Variants in ADGRB3 observed in about 807,000 individuals in gnomAD.
ADGRB3 encodes the protein adhesion G protein-coupled receptor B3, also known as brain-specific angiogenesis inhibitor 3.
A neutral mutation model predicts 193.4 loss-of-function variants in ADGRB3; 37 were observed. That is an observed-to-expected ratio of 0.19 (90% CI 0.15 to 0.25). ADGRB3 has a LOEUF of 0.25. Among genes scored for constraint, ADGRB3 ranks in the 10% least tolerant of loss-of-function variants. The pLI is 1.00. For missense variants in ADGRB3, 1,637 were observed against 1,852.9 expected, an observed-to-expected ratio of 0.88 and a Z score of 2.14; for synonymous variants, 690 against 644.2, an observed-to-expected ratio of 1.07 and a Z score of -1.08.
chr6:69,077,716 G>T (rs897906655), intron 17 of ADGRB3, among the ~76,000 whole-genome samples: 2 of 151,946 alleles, frequency 1.3e-5, no homozygotes, highest in Non-Finnish European at 2.9e-5. Context: ...TATCTGTCAC[G>T]AAGAATGTCT....
At chr6:69,375,922 A>G (rs1369425423) in intron 30 of ADGRB3, among the ~76,000 whole-genome samples, 1 of 151,938 alleles carries the variant, frequency 6.6e-6, no homozygotes, top group Non-Finnish European at 1.5e-5. Flanking sequence ...CAGTCTGGAC[A>G]ACAAAGTGAG....
At chr6:69,334,930 A>C (rs192624793) in intron 24 of ADGRB3, among the ~76,000 whole-genome samples, 1 of 152,116 alleles carries the variant, frequency 6.6e-6, no homozygotes, top group Non-Finnish European at 1.5e-5. Context: ...AATGTGTATA[A>C]AGCACACTTT....
intron 3 of ADGRB3, among the ~76,000 whole-genome samples, chr6:68,691,813 A>G (rs1765080536): frequency 6.7e-6 from 1 of 149,760 alleles, no homozygotes; most frequent in Non-Finnish European, 1.5e-5. Flanking sequence ...ACTTGTGAGT[A>G]CTATCCTAAT....
At chr6:68,854,413 G>T (rs1441660929) in intron 3 of ADGRB3, among the ~76,000 whole-genome samples, 1 of 152,120 alleles carries the variant, frequency 6.6e-6, no homozygotes, top group Non-Finnish European at 1.5e-5. Flanking sequence ...TGATAACTAT[G>T]TGAGATAATG....
chr6:68,829,290 C>T (rs372967826), intron 3 of ADGRB3, among the ~76,000 whole-genome samples: 10 of 151,588 alleles, frequency 6.6e-5, no homozygotes, highest in Middle Eastern at 3.4e-3. Context: ...TTAGTAGAGA[C>T]GGAGTTTCAA....
chr6:68,911,126 A>T (rs1766693967), intron 3 of ADGRB3, among the ~76,000 whole-genome samples: 1 of 152,044 alleles, frequency 6.6e-6, no homozygotes, highest in Admixed American at 6.6e-5. Context: ...AGGGACATGG[A>T]TGAAGCTGGA....
chr6:69,167,517 G>A (rs530390859), intron 17 of ADGRB3, among the ~76,000 whole-genome samples: 1 of 152,002 alleles, frequency 6.6e-6, no homozygotes, highest in African/African-American at 2.4e-5. Context: ...GAATTTTTCA[G>A]TGCTTTGTCC....
intron 3 of ADGRB3, among the ~76,000 whole-genome samples, chr6:68,840,597 G>A (rs1385621236): frequency 1.3e-5 from 2 of 151,768 alleles, no homozygotes; most frequent in African/African-American, 2.4e-5. Context: ...TTTGGAAATG[G>A]GAGGGAAAGA....
At chr6:69,359,368 T>C (rs1769398912) in intron 28 of ADGRB3, among the ~76,000 whole-genome samples, 1 of 151,614 alleles carries the variant, frequency 6.6e-6, no homozygotes, top group Non-Finnish European at 1.5e-5. Flanking sequence ...GGAAATAACT[T>C]TTTAAAACTG....
At position 69,207,057 on chromosome 6, in the gene ADGRB3, C is replaced by G. The variant is rs560151362; in HGVS notation, c.2481-26233C>G. On this transcript the variant is annotated intron_variant, in intron 17 of 31. Coordinates refer to ENST00000370598, the MANE Select transcript of ADGRB3 (RefSeq NM_001704.3). ...AGTAGACTGATTTCATCTTGATAGT[C>G]TAGGTCATTCACGCCAGCCAACACT... is the stretch of plus-strand genomic sequence containing the variant. Among the ~76,000 whole-genome samples, 4 of 152,290 alleles carry G rather than the reference C, an allele frequency of 2.6e-5. No individual in the cohort carries two copies. In the South Asian group the frequency reaches 8.3e-4, roughly 32 times the overall value.
chr6:69,052,958 G>A (rs1181148016), intron 15 of ADGRB3, among the ~76,000 whole-genome samples: 2 of 152,186 alleles, frequency 1.3e-5, no homozygotes, highest in African/African-American at 4.8e-5. Context: ...GGCCGAGGCG[G>A]GTGGATGACT....
chr6:69,198,193 C>T (rs750672587), intron 17 of ADGRB3, among the ~76,000 whole-genome samples: 9 of 151,978 alleles, frequency 5.9e-5, no homozygotes, highest in Non-Finnish European at 1.3e-4. Flanking sequence ...AATATAAGTT[C>T]TGTGAGAGCA....
intron 20 of ADGRB3, among the ~76,000 whole-genome samples, chr6:69,250,667 G>A (rs528380318): frequency 1.3e-5 from 2 of 152,112 alleles, no homozygotes; most frequent in Admixed American, 6.5e-5. Context: ...GAGCTGGAAG[G>A]ATCTGCTGTA....
chr6:68,740,620 T>A (rs891546378), intron 3 of ADGRB3, among the ~76,000 whole-genome samples: 6 of 152,218 alleles, frequency 3.9e-5, no homozygotes, highest in Admixed American at 3.9e-4. Flanking sequence ...AATCATGTCC[T>A]TGTATGGGCC....
At chr6:69,339,234 C>T in intron 25 of ADGRB3, 99 bp from the exon 26 acceptor site, 2 of 1,423,432 alleles carry the variant, frequency 1.4e-6, no homozygotes, top group Non-Finnish European at 1.9e-6. Context: ...AGTTAATGGT[C>T]TTGGAACCAC....
rs532204032 is a variant in ADGRB3, at chr6:69,210,267, C to G, written c.2481-23023C>G. The stretch of plus-strand genomic sequence containing the variant: ...AGGAGAGCCAGTTTGAGTTCCAAAA[C>G]TGAAGAACTTGGAGTCTGATGTTCA... On this transcript the variant is annotated intron_variant, in intron 17 of 31. Coordinates refer to ENST00000370598, the MANE Select transcript of ADGRB3 (RefSeq NM_001704.3). Among the ~76,000 whole-genome samples the G allele has an allele frequency of 1.1e-4, 16 of 149,658 alleles. No individual in the cohort carries two copies. In the South Asian group the frequency reaches 3.4e-3, roughly 32 times the overall value.
chr6:68,797,406 C>CAA (rs761635932), intron 3 of ADGRB3, among the ~76,000 whole-genome samples: 25 of 133,800 alleles, frequency 1.9e-4, no homozygotes, highest in African/African-American at 6.8e-4. Context: ...CATTTGAAGC[C>CAA]AAAAAAAAAA....
intron 17 of ADGRB3, among the ~76,000 whole-genome samples, chr6:69,164,385 T>C (rs1029553601): frequency 2.6e-5 from 4 of 152,160 alleles, no homozygotes; most frequent in Non-Finnish European, 4.4e-5. Context: ...AAAAAAAGCT[T>C]ACAAAGGGGA....
At position 69,388,657 on chromosome 6, in the gene ADGRB3, T is replaced by A. The variant is rs367989311; in HGVS notation, c.4381-46T>A. 4.2e-5 allele frequency: 65 copies of A among 1,553,364 alleles called. No individual in the cohort carries two copies. In the African/African-American group the frequency reaches 7.4e-4, roughly 18 times the overall value. ...TCCTGGAAACTTCAACTAGCGGTGA[T>A]CCTGGTCATCACATAAATGACTCTC... On this transcript the variant is annotated intron_variant, in intron 31 of 31. Coordinates refer to ENST00000370598, the MANE Select transcript of ADGRB3 (RefSeq NM_001704.3).
Sources: allele counts gnomAD v4.1 joint callset (sites outside exome capture counted in the v4.1 genomes callset), GRCh38; gene constraint gnomAD v4.1.1; transcripts MANE v1.5; gene names NCBI Gene and HGNC (gene_info 2026-07-23, HGNC 2026-07-21).